Variants in CAB39 observed in about 807,000 individuals in gnomAD.
The protein encoded by CAB39 is calcium-binding protein 39.
Under a neutral mutation model 40.0 loss-of-function variants are expected in CAB39, and 8 were observed. The ratio of observed to expected loss-of-function variants is 0.20; its 90% confidence interval spans 0.12 to 0.36. The LOEUF is 0.36. Ranked by LOEUF, CAB39 falls within the 10% of genes least tolerant of loss-of-function variation. The probability of loss-of-function intolerance (pLI) is 1.00; values close to 1 mark genes in which losing one functional copy is unlikely to be tolerated. For missense variants in CAB39, 270 were observed against 401.1 expected (o/e 0.67, Z 2.79); for synonymous variants, 156 against 141.6 (o/e 1.10, Z -0.72).
At chr2:230,792,552 G>T (rs1695909756) in intron 3 of CAB39, among the ~76,000 whole-genome samples, 1 of 152,130 alleles carries the variant, frequency 6.6e-6, no homozygotes. Context: ...GATTTCTTGT[G>T]CAGCTTTCCG....
At chr2:230,774,076 C>T (rs1695540805) in intron 2 of CAB39, among the ~76,000 whole-genome samples, 1 of 152,142 alleles carries the variant, frequency 6.6e-6, no homozygotes, top group Admixed American at 6.5e-5. Flanking sequence ...TCCCGTGATC[C>T]AGATGAAGAA....
chr2:230,816,074 G>A lies in CAB39; in HGVS notation c.694-1680G>A, dbSNP rs187784711. Among the ~76,000 whole-genome samples, 569 of 152,304 alleles carry A rather than the reference G, an allele frequency of 3.7e-3. 2 individuals are homozygous for A. The highest frequency in any genetic ancestry group is 7.1e-3 in the Non-Finnish European group (480 of 68,022). On this transcript the variant is annotated intron_variant, in intron 7 of 8. Transcript: ENST00000258418. ...GGATGGATGGAGGTCAGGAGTTCAA[G>A]ACCAGCCTGGCCAACATGGTGAAAC...
intron 6 of CAB39, 46 bp downstream of exon 6, chr2:230,810,368 G>C (rs779728150): frequency 4.4e-5 from 32 of 726,254 alleles, no homozygotes; most frequent in Non-Finnish European, 6.6e-5. Flanking sequence ...TGTAACTTTT[G>C]TTACCAGAAA....
chr2:230,798,805 A>C lies in CAB39; in HGVS notation c.475A>C (p.Ile159Leu). 1 of 1,611,398 alleles carries C rather than the reference A, an allele frequency of 6.2e-7. No individual in the cohort carries two copies. Among genetic ancestry groups the C allele is most frequent in the Non-Finnish European group, 8.5e-7 (1 of 1,178,704 alleles). Residue 159 changes from isoleucine to leucine, a missense_variant, in exon 5 of 9, where the codon ATC becomes CTC. Coordinates refer to ENST00000258418, the MANE Select transcript of CAB39 (RefSeq NM_016289.4). ...CATCAGACATGAACCACTTGCAAAAATCATTTTGTGGTCGGAACAGTTTTA... is the reference window on the plus strand; with the variant it reads ...CATCAGACATGAACCACTTGCAAAACTCATTTTGTGGTCGGAACAGTTTTA... ...ECIRHEPLAK[I>L]ILWSEQFYDF...
At chr2:230,731,358 A>G (rs1694685338) in intron 1 of CAB39, among the ~76,000 whole-genome samples, 1 of 152,192 alleles carries the variant, frequency 6.6e-6, no homozygotes, top group Non-Finnish European at 1.5e-5. Flanking sequence ...GGTTGTTAAT[A>G]TACTCATGTA....
At position 230,720,894 on chromosome 2, in the gene CAB39, T is replaced by G. The variant is rs556771999; in HGVS notation, c.-44+7664T>G. ...CCGTTAACATGACCCATGTAGATAC[T>G]CTTTTGGCTCCCATCTCTCTAGTTA... On this transcript the variant is annotated intron_variant, in intron 1 of 8. Transcript: ENST00000258418. Among the ~76,000 whole-genome samples, 4 of 152,290 alleles carry G rather than the reference T, an allele frequency of 2.6e-5. No individual in the cohort carries two copies. The East Asian group carries it at 7.7e-4, about 29-fold the overall frequency.
intron 2 of CAB39, 98 bp downstream of exon 2, chr2:230,760,213 G>T: frequency 1.5e-6 from 1 of 653,796 alleles, no homozygotes; most frequent in Non-Finnish European, 2.6e-6. Flanking sequence ...GGTTTATTTT[G>T]GATTTTAAAA....
chr2:230,750,179 T>C (rs1695060965), intron 1 of CAB39, among the ~76,000 whole-genome samples: 1 of 152,230 alleles, frequency 6.6e-6, no homozygotes, highest in Non-Finnish European at 1.5e-5. Flanking sequence ...TCAAAACTTA[T>C]GCTGAGGCTT....
In CAB39 at chr2:230,725,768, G is replaced by T. The variant is rs540670318; in HGVS notation, c.-44+12538G>T. ...GATGTTTGATGTCTCAGGACACAAA[G>T]AACTTTCATTTCTCTTTACTGAGTT... On this transcript the variant is annotated intron_variant, in intron 1 of 8. Coordinates refer to ENST00000258418, the MANE Select transcript of CAB39 (RefSeq NM_016289.4). 2.9e-4 allele frequency among the ~76,000 whole-genome samples: 44 copies of T among 152,320 alleles called. No individual in the cohort carries two copies. In the East Asian group the frequency reaches 6.9e-3, roughly 24 times the overall value.
intron 2 of CAB39, among the ~76,000 whole-genome samples, chr2:230,761,376 T>G (rs1315721651): frequency 1.3e-5 from 2 of 152,158 alleles, no homozygotes; most frequent in African/African-American, 4.8e-5. Flanking sequence ...ATGTAAGTAC[T>G]TAACTGTAAA....
At chr2:230,781,481 G>A (rs1331403644) in intron 2 of CAB39, among the ~76,000 whole-genome samples, 2 of 152,326 alleles carry the variant, frequency 1.3e-5, no homozygotes, top group Non-Finnish European at 2.9e-5. Flanking sequence ...AGTAGAGAAA[G>A]ATTTGAATAA....
chr2:230,725,140 G>GCAA, intron 1 of CAB39: 1 of 1,613,116 alleles, frequency 6.2e-7, no homozygotes, highest in East Asian at 2.2e-5. Flanking sequence ...TTCCCAGAGA[G>GCAA]CATCACAAGA....
rs71052549 is a variant in CAB39, at chr2:230,773,314, ATGTGTGTGTGTGTGTG to A, written c.114+13219_114+13234del. Among the ~76,000 whole-genome samples the A allele has an allele frequency of 3.8e-5, 5 of 132,682 alleles. 1 individual carries two copies. Among genetic ancestry groups the A allele is most frequent in the South Asian group, 4.8e-4 (2 of 4,140 alleles). 87.0% of individuals were successfully genotyped at this position (132,682 alleles called of 152,430 possible). A position where few individuals can be genotyped will look rare whatever the true frequency, so the allele number is the denominator to read the frequency against. On this transcript the variant is annotated intron_variant, in intron 2 of 8. Coordinates refer to ENST00000258418, the MANE Select transcript of CAB39 (RefSeq NM_016289.4). ...GGTGTATGTGTATATATATATATATATGTGTGTGTGTGTGTGTGTGTGTGTGTGTGTGTGTTACATT... is the reference window on the plus strand; with the variant it reads ...GGTGTATGTGTATATATATATATATATGTGTGTGTGTGTGTGTGTTACATT...
intron 4 of CAB39, among the ~76,000 whole-genome samples, chr2:230,797,765 A>T (rs1696014590): frequency 6.6e-6 from 1 of 152,142 alleles, no homozygotes; most frequent in African/African-American, 2.4e-5. Context: ...AGTCAGAGAG[A>T]TAGAAAGGAG....
chr2:230,786,627 A>G (rs182554957), intron 2 of CAB39, among the ~76,000 whole-genome samples: 1 of 152,324 alleles, frequency 6.6e-6, no homozygotes, highest in Admixed American at 6.5e-5. Flanking sequence ...GTATAAACTG[A>G]GGTACATGAA....
rs540316470 is a variant in CAB39 at position 230,723,364 on chromosome 2, G to A, written c.-44+10134G>A. ...AACACTTCATTTTAATTTCTCTGCT[G>A]TGGGCTTCCTGAACCCACCCCACTT... On this transcript the variant is annotated intron_variant, in intron 1 of 8. Coordinates refer to ENST00000258418, the MANE Select transcript of CAB39 (RefSeq NM_016289.4). 3.3e-5 allele frequency among the ~76,000 whole-genome samples: 5 copies of A among 150,844 alleles called. No individual in the cohort carries two copies. In the South Asian group the frequency reaches 1.1e-3, roughly 32 times the overall value.
At chr2:230,730,111 A>AT (rs1228040856) in intron 1 of CAB39, among the ~76,000 whole-genome samples, 16 of 152,232 alleles carry the variant, frequency 1.1e-4, no homozygotes, top group Admixed American at 9.2e-4. Context: ...TTAGAAAAAA[A>AT]TTTTTTCTTA....
intron 2 of CAB39, among the ~76,000 whole-genome samples, chr2:230,785,294 A>G (rs1219222087): frequency 6.6e-6 from 1 of 151,840 alleles, no homozygotes; most frequent in Non-Finnish European, 1.5e-5. Context: ...AGTGAGGAAA[A>G]AGACTTGGAC....
intron 1 of CAB39, among the ~76,000 whole-genome samples, chr2:230,734,422 G>C (rs546971659): frequency 6.6e-6 from 1 of 152,102 alleles, no homozygotes; most frequent in African/African-American, 2.4e-5. Flanking sequence ...CTAACCTCTC[G>C]GTTAGGTTGT....
Sources: gnomAD v4.1 joint callset for allele counts (sites outside exome capture counted in the v4.1 genomes callset) on GRCh38, gnomAD v4.1.1 for gene constraint, MANE v1.5 for transcripts, NCBI Gene and HGNC (gene_info 2026-07-23, HGNC 2026-07-21) for gene names.